ADIPOR2: variants seen among roughly 807,000 people sequenced by gnomAD.
ADIPOR2 encodes adiponectin receptor 2.
Under a neutral mutation model 40.9 loss-of-function variants are expected in ADIPOR2, and 18 were observed. The ratio of observed to expected loss-of-function variants is 0.44; its 90% CI spans 0.30 to 0.65. The LOEUF (loss-of-function observed/expected upper bound fraction) is 0.65. Among genes scored for constraint, ADIPOR2 ranks in the 30% least tolerant of loss-of-function variants. ADIPOR2 has a pLI of 0.09. For synonymous variants in ADIPOR2, 165 were observed against 166.4 expected (o/e 0.99, Z 0.06); for missense variants, 283 against 479.2 (o/e 0.59, Z 3.82).
At chr12:1,742,292 CGT>C (rs2094744665) in intron 1 of ADIPOR2, among the ~76,000 whole-genome samples, 1 of 152,156 alleles carries the variant, frequency 6.6e-6, no homozygotes, top group Non-Finnish European at 1.5e-5. Flanking sequence ...GGAGTCTTGC[CGT>C]GTTGCCCAGG....
chr12:1,767,614 C>T (rs760279298), intron 2 of ADIPOR2, among the ~76,000 whole-genome samples: 25 of 152,128 alleles, frequency 1.6e-4, no homozygotes, highest in Non-Finnish European at 3.1e-4. Context: ...AACCTGTCAA[C>T]TTGTAAAAAG....
chr12:1,729,617 G>GTTTTT (rs56921758), intron 1 of ADIPOR2, among the ~76,000 whole-genome samples: 1,007 of 88,398 alleles, frequency 0.011, 26 homozygotes, highest in East Asian at 0.039. Context: ...TCAGCCAGTT[G>GTTTTT]TTTTTTTTTT....
At chr12:1,772,481 G>A (rs1026735956) in intron 2 of ADIPOR2, among the ~76,000 whole-genome samples, 1 of 152,024 alleles carries the variant, frequency 6.6e-6, no homozygotes. Context: ...GTTATTTTAT[G>A]TGTCCCAGGT....
chr12:1,720,732 G>A (rs2094696243), intron 1 of ADIPOR2, among the ~76,000 whole-genome samples: 1 of 152,192 alleles, frequency 6.6e-6, no homozygotes, highest in Non-Finnish European at 1.5e-5. Context: ...GTTCCTAACA[G>A]GCTATGGAAT....
chr12:1,703,979 C>CTGG (rs2094656303), intron 1 of ADIPOR2, among the ~76,000 whole-genome samples: 1 of 139,332 alleles, frequency 7.2e-6, no homozygotes, highest in Non-Finnish European at 1.5e-5. Context: ...TCCCAAAGTG[C>CTGG]TGGGATTACA....
At chr12:1,772,463 C>G (rs961750398) in intron 2 of ADIPOR2, among the ~76,000 whole-genome samples, 1 of 152,134 alleles carries the variant, frequency 6.6e-6, no homozygotes, top group Non-Finnish European at 1.5e-5. Context: ...CATTGTGTAT[C>G]ACAGTTAGTT....
chr12:1,699,127 A>G (rs1565629118), intron 1 of ADIPOR2, among the ~76,000 whole-genome samples: 1 of 152,034 alleles, frequency 6.6e-6, no homozygotes, highest in African/African-American at 2.4e-5. Context: ...AATAGACTAT[A>G]TATTTCTTGA....
intron 1 of ADIPOR2, among the ~76,000 whole-genome samples, chr12:1,722,158 G>C (rs1014398197): frequency 2.6e-5 from 4 of 152,148 alleles, no homozygotes; most frequent in African/African-American, 9.7e-5. Flanking sequence ...TGGTGGCTTG[G>C]GCCAGAGAGT....
intron 3 of ADIPOR2, among the ~76,000 whole-genome samples, chr12:1,777,643 C>G (rs1565658139): frequency 6.6e-6 from 1 of 152,030 alleles, no homozygotes; most frequent in African/African-American, 2.4e-5. Flanking sequence ...GGATTAAAGC[C>G]TTAGCCACCA....
chr12:1,736,965 T>C (rs1244687353), intron 1 of ADIPOR2, among the ~76,000 whole-genome samples: 1 of 152,220 alleles, frequency 6.6e-6, no homozygotes, highest in Non-Finnish European at 1.5e-5. Context: ...ACAATGGGCC[T>C]GTTTTCATGT....
At chr12:1,694,520 ATTG>A (rs1370411302) in intron 1 of ADIPOR2, among the ~76,000 whole-genome samples, 1 of 152,180 alleles carries the variant, frequency 6.6e-6, no homozygotes, top group African/African-American at 2.4e-5. Flanking sequence ...GTTATACTGT[ATTG>A]TTTGGGGAAT....
chr12:1,753,963 G>A (rs1433429639), intron 1 of ADIPOR2, among the ~76,000 whole-genome samples: 1 of 152,106 alleles, frequency 6.6e-6, no homozygotes, highest in Non-Finnish European at 1.5e-5. Context: ...TCTGTACCAA[G>A]AGTATGGTTT....
chr12:1,695,119 G>T (rs1136213), intron 1 of ADIPOR2, among the ~76,000 whole-genome samples: 3 of 150,806 alleles, frequency 2.0e-5, no homozygotes, highest in Non-Finnish European at 4.4e-5. Flanking sequence ...GGGCTCAAGC[G>T]ATCCTCCCAC....
At chr12:1,725,453 A>G (rs2094706053) in intron 1 of ADIPOR2, among the ~76,000 whole-genome samples, 1 of 152,180 alleles carries the variant, frequency 6.6e-6, no homozygotes, top group African/African-American at 2.4e-5. Context: ...TGGACTATAA[A>G]TCAATTCCCT....
chr12:1,694,838 A>T (rs1185988988), intron 1 of ADIPOR2, among the ~76,000 whole-genome samples: 2 of 152,190 alleles, frequency 1.3e-5, no homozygotes, highest in Non-Finnish European at 2.9e-5. Flanking sequence ...TTAGATGTAC[A>T]GAAATTTGAG....
At chr12:1,745,473 T>C (rs943701334) in intron 1 of ADIPOR2, among the ~76,000 whole-genome samples, 5 of 152,234 alleles carry the variant, frequency 3.3e-5, no homozygotes, top group African/African-American at 1.2e-4. Context: ...TATATGTCTA[T>C]GGTATTGGCT....
At chr12:1,782,976 C>CTTT (rs71055199) in intron 6 of ADIPOR2, among the ~76,000 whole-genome samples, 28 of 109,748 alleles carry the variant, frequency 2.6e-4, no homozygotes, top group Non-Finnish European at 4.2e-4. Flanking sequence ...TTCTTTCTTT[C>CTTT]TTTTTTTTTT....
At chr12:1,784,115 T>C (rs1323078515) in intron 7 of ADIPOR2, 42 bp downstream of exon 7, 2 of 1,479,770 alleles carry the variant, frequency 1.4e-6, no homozygotes, top group Non-Finnish European at 1.8e-6. Flanking sequence ...TATCTGCTCA[T>C]GAGTTATTGG....
chr12:1,742,605 T>A (rs1038024100), intron 1 of ADIPOR2, among the ~76,000 whole-genome samples: 2 of 152,170 alleles, frequency 1.3e-5, no homozygotes, highest in African/African-American at 4.8e-5. Context: ...ATGCTCAAGT[T>A]CCTGATAGAG....
Sources: allele counts gnomAD v4.1 joint callset (sites outside exome capture counted in the v4.1 genomes callset), GRCh38; gene constraint gnomAD v4.1.1; transcripts MANE v1.5; gene names NCBI Gene and HGNC (gene_info 2026-07-23, HGNC 2026-07-21).